Variants in EPHB1 observed in about 807,000 individuals in gnomAD.
EPHB1 encodes EPH receptor B1.
A neutral mutation model predicts 94.4 loss-of-function variants in EPHB1; 30 were observed. The observed-to-expected ratio is 0.32, with a 90% CI of 0.24 to 0.43. EPHB1 has a LOEUF of 0.43. Ranked by LOEUF, EPHB1 falls within the 20% of genes least tolerant of loss-of-function variation. EPHB1 has a pLI of 1.00. For missense variants in EPHB1, 1,055 were observed against 1,308.3 expected, an observed-to-expected ratio of 0.81 and a Z score of 2.99; for synonymous variants, 522 against 489.1, an observed-to-expected ratio of 1.07 and a Z score of -0.89.
chr3:134,942,548 A>C (rs1396655381), intron 2 of EPHB1, among the ~76,000 whole-genome samples: 1 of 152,220 alleles, frequency 6.6e-6, no homozygotes, highest in Non-Finnish European at 1.5e-5. Context: ...CAGAGGTGAG[A>C]CTGCATCAGG....
At chr3:135,082,004 A>C (rs1938181840) in intron 3 of EPHB1, among the ~76,000 whole-genome samples, 1 of 151,808 alleles carries the variant, frequency 6.6e-6, no homozygotes, top group Non-Finnish European at 1.5e-5. Context: ...TCCAAGCAGA[A>C]GGCCCAGGCT....
At chr3:135,091,131 A>G (rs1938535558) in intron 3 of EPHB1, among the ~76,000 whole-genome samples, 1 of 152,238 alleles carries the variant, frequency 6.6e-6, no homozygotes, top group Non-Finnish European at 1.5e-5. Flanking sequence ...AGAGAGAATA[A>G]TTAGATGCCC....
chr3:134,816,249 AT>A (rs1431725425), intron 1 of EPHB1, among the ~76,000 whole-genome samples: 5 of 151,226 alleles, frequency 3.3e-5, no homozygotes, highest in Non-Finnish European at 7.4e-5. Context: ...CAGCCAGCTA[AT>A]TTTTTTGTTT....
intron 1 of EPHB1, among the ~76,000 whole-genome samples, chr3:134,905,558 G>T (rs917421006): frequency 6.6e-5 from 10 of 152,238 alleles, no homozygotes; most frequent in African/African-American, 1.9e-4. Context: ...CTGGGAAAAG[G>T]TGCAATGGAG....
chr3:135,049,225 GC>G (rs1937096537), intron 3 of EPHB1, among the ~76,000 whole-genome samples: 1 of 152,210 alleles, frequency 6.6e-6, no homozygotes, highest in Admixed American at 6.5e-5. Context: ...ACATCTTTAA[GC>G]CACTTAATGT....
In EPHB1 at chr3:135,192,700, G is replaced by C; in HGVS notation, c.2007G>C (p.Ala669=). Residue 669 remains alanine (A), a synonymous_variant, in exon 11 of 16, where the codon GCG becomes GCC. Transcript: ENST00000398015. Reference sequence around the variant, plus strand: ...AGCGTCGGGACTTTCTGAGTGAGGCGAGCATCATGGGCCAGTTCGACCATC... The same window carrying C: ...AGCGTCGGGACTTTCTGAGTGAGGCCAGCATCATGGGCCAGTTCGACCATC... ...EKQRRDFLSE[A]SIMGQFDHPN... The C allele has an allele frequency of 6.2e-7, 1 of 1,614,144 alleles. No individual in the cohort carries two copies. Among genetic ancestry groups the C allele is most frequent in the Non-Finnish European group, 8.5e-7 (1 of 1,180,030 alleles).
At chr3:134,834,406 A>G (rs2036635169) in intron 1 of EPHB1, among the ~76,000 whole-genome samples, 1 of 152,126 alleles carries the variant, frequency 6.6e-6, no homozygotes, top group South Asian at 2.1e-4. Context: ...TACCCCTCAC[A>G]CAAAACAAAC....
At chr3:134,888,099 G>A (rs2037894799) in intron 1 of EPHB1, among the ~76,000 whole-genome samples, 2 of 152,198 alleles carry the variant, frequency 1.3e-5, no homozygotes, top group South Asian at 4.1e-4. Flanking sequence ...GAAAACGGGT[G>A]GCGAGGCAAG....
At chr3:134,805,242 C>T (rs1260455816) in intron 1 of EPHB1, among the ~76,000 whole-genome samples, 1 of 152,110 alleles carries the variant, frequency 6.6e-6, no homozygotes, top group Non-Finnish European at 1.5e-5. Context: ...GAAAGCCCAT[C>T]CGGGGATGCT....
chr3:135,229,881 A>AAG (rs1261985935), intron 12 of EPHB1, among the ~76,000 whole-genome samples: 1 of 152,180 alleles, frequency 6.6e-6, no homozygotes, highest in Non-Finnish European at 1.5e-5. Flanking sequence ...AGAATGGGAG[A>AAG]AGAGTCTGGG....
At chr3:134,926,794 G>A (rs373965602) in intron 2 of EPHB1, among the ~76,000 whole-genome samples, 4 of 152,200 alleles carry the variant, frequency 2.6e-5, no homozygotes, top group African/African-American at 7.2e-5. Flanking sequence ...CAGGATTGTC[G>A]AGAACAGTTG....
chr3:134,906,133 A>G (rs2038320253), intron 1 of EPHB1, among the ~76,000 whole-genome samples: 1 of 152,210 alleles, frequency 6.6e-6, no homozygotes, highest in South Asian at 2.1e-4. Context: ...CTGCAAATTC[A>G]TTAATGGCAA....
intron 1 of EPHB1, among the ~76,000 whole-genome samples, chr3:134,854,672 G>A (rs1045708442): frequency 5.3e-5 from 8 of 152,058 alleles, no homozygotes; most frequent in East Asian, 1.9e-4. Context: ...CCCGTGACCC[G>A]TGTAACTGAT....
At chr3:135,009,402 A>G (rs112341596) in intron 3 of EPHB1, among the ~76,000 whole-genome samples, 17 of 152,312 alleles carry the variant, frequency 1.1e-4, no homozygotes, top group African/African-American at 3.6e-4. Context: ...GTGTCTTATT[A>G]TGCAGCTCAG....
chr3:135,250,913 G>A (rs1428181785), intron 15 of EPHB1, among the ~76,000 whole-genome samples: 1 of 152,114 alleles, frequency 6.6e-6, no homozygotes, highest in African/African-American at 2.4e-5. Context: ...CCTTGCAGCT[G>A]GGACAAACCG....
At chr3:134,917,146 G>T (rs550337200) in intron 1 of EPHB1, among the ~76,000 whole-genome samples, 1 of 152,286 alleles carries the variant, frequency 6.6e-6, no homozygotes, top group South Asian at 2.1e-4. Flanking sequence ...AAAGTCCATC[G>T]TAGGTCTAGA....
At chr3:135,195,335 T>G (rs1008124928) in intron 11 of EPHB1, among the ~76,000 whole-genome samples, 2 of 151,916 alleles carry the variant, frequency 1.3e-5, no homozygotes, top group Non-Finnish European at 2.9e-5. Flanking sequence ...TTCTTTTTAT[T>G]TATTTATTTA....
At chr3:134,802,661 T>C (rs994009461) in intron 1 of EPHB1, among the ~76,000 whole-genome samples, 1 of 152,228 alleles carries the variant, frequency 6.6e-6, no homozygotes, top group African/African-American at 2.4e-5. Flanking sequence ...ATTGAGGTCA[T>C]GGTCCCCACT....
At chr3:134,958,748 A>G (rs781701568) in intron 3 of EPHB1, among the ~76,000 whole-genome samples, 7 of 152,188 alleles carry the variant, frequency 4.6e-5, no homozygotes, top group Non-Finnish European at 1.0e-4. Flanking sequence ...ATCAGATGTA[A>G]TTGGCTGTCT....
Sources: gnomAD v4.1 joint callset for allele counts (sites outside exome capture counted in the v4.1 genomes callset) on GRCh38, gnomAD v4.1.1 for gene constraint, MANE v1.5 for transcripts, NCBI Gene and HGNC (gene_info 2026-07-23, HGNC 2026-07-21) for gene names.